The following PHACTR1 variants were observed in gnomAD, a reference collection of about 807,000 sequenced individuals.
The protein encoded by PHACTR1 is phosphatase and actin regulator 1.
A neutral mutation model predicts 69.2 loss-of-function variants in PHACTR1; 16 were observed. The observed-to-expected ratio is 0.23, with a 90% CI of 0.16 to 0.35. The LOEUF is 0.35. Ranked by LOEUF, PHACTR1 falls within the 10% of genes least tolerant of loss-of-function variation. The probability of loss-of-function intolerance (pLI) is 1.00; values close to 1 mark genes in which losing one functional copy is unlikely to be tolerated. For missense variants in PHACTR1, 510 were observed against 734.7 expected, an observed-to-expected ratio of 0.69 and a Z score of 3.54; for synonymous variants, 312 against 284.5, an observed-to-expected ratio of 1.10 and a Z score of -0.97.
rs4053019 is a variant in PHACTR1, at chr6:13,179,405, C to CGTGTGT, written c.497-3079_497-3074dup. On this transcript the variant is annotated intron_variant, in intron 6 of 14. Coordinates refer to ENST00000332995, the MANE Select transcript of PHACTR1 (RefSeq NM_030948.6). This position sits in a 1 kb window ranked among gnomAD's most constrained non-coding sequence, Gnocchi z 4.2. Reference sequence around the variant, plus strand: ...TATACAGCCCATTACATTAATGTTTCGTGTGTGTGTGTGTGTGTGTGTGTG... The same window carrying CGTGTGT: ...TATACAGCCCATTACATTAATGTTTCGTGTGTGTGTGTGTGTGTGTGTGTGTGTGTG... Among the ~76,000 whole-genome samples, 10,778 of 141,972 alleles carry CGTGTGT rather than the reference C, an allele frequency of 0.076. 589 individuals carry two copies. The highest frequency in any genetic ancestry group is 0.14 in the African/African-American group (5,255 of 37,600). The allele number at this position is 141,972 out of a possible 152,430, so 93.1% of individuals were successfully genotyped here. A position where few individuals can be genotyped will look rare whatever the true frequency, so the allele number is the denominator to read the frequency against.
At position 13,240,050 on chromosome 6, in the gene PHACTR1, TA is replaced by T. The variant is rs112143131; in HGVS notation, c.1391+9871del. Among the ~76,000 whole-genome samples the T allele has an allele frequency of 8.8e-3, 1,280 of 144,968 alleles. 13 individuals carry two copies. Among genetic ancestry groups the T allele is most frequent in the African/African-American group, 0.023 (929 of 39,902 alleles). On this transcript the variant is annotated intron_variant, in intron 10 of 14. Coordinates refer to ENST00000332995, the MANE Select transcript of PHACTR1 (RefSeq NM_030948.6). ...AGTGTTTAAACTTGCAAAGTTTCTTTAAAAAAAAAAAAAAGTGGCCATTCTT... is the reference window on the plus strand; with the variant it reads ...AGTGTTTAAACTTGCAAAGTTTCTTTAAAAAAAAAAAAAGTGGCCATTCTT...
At chr6:13,100,713 A>G (rs142613898) in intron 5 of PHACTR1, among the ~76,000 whole-genome samples, 1 of 152,346 alleles carries the variant, frequency 6.6e-6, no homozygotes, top group Non-Finnish European at 1.5e-5. Flanking sequence ...GAATTAATCA[A>G]TCAACAAGCA....
chr6:13,093,604 G>A (rs544004099), intron 5 of PHACTR1, among the ~76,000 whole-genome samples: 4 of 152,282 alleles, frequency 2.6e-5, no homozygotes, highest in African/African-American at 9.6e-5. Context: ...GTACAAATAA[G>A]GTATTCAGGA....
intron 4 of PHACTR1, among the ~76,000 whole-genome samples, chr6:12,885,128 A>G (rs1783506103): frequency 6.6e-6 from 1 of 152,162 alleles, no homozygotes; most frequent in Admixed American, 6.5e-5. Flanking sequence ...GCTTCTGCCT[A>G]CAGCCTAGAG....
At chr6:12,806,751 A>T (rs1774387839) in intron 4 of PHACTR1, among the ~76,000 whole-genome samples, 1 of 152,196 alleles carries the variant, frequency 6.6e-6, no homozygotes, top group Non-Finnish European at 1.5e-5. Context: ...ACAGATCTGC[A>T]TTATACATTT....
At chr6:12,806,218 T>A (rs545215626) in intron 4 of PHACTR1, among the ~76,000 whole-genome samples, 7 of 152,334 alleles carry the variant, frequency 4.6e-5, no homozygotes, top group African/African-American at 1.7e-4. Flanking sequence ...TCAACCGCAG[T>A]GTCTACCATC....
chr6:13,022,466 A>G (rs572896175), intron 4 of PHACTR1, among the ~76,000 whole-genome samples: 2 of 152,338 alleles, frequency 1.3e-5, no homozygotes, highest in South Asian at 4.1e-4. Context: ...CAAAAGAAGG[A>G]GAATAATTCA....
intron 4 of PHACTR1, among the ~76,000 whole-genome samples, chr6:12,929,102 C>T (rs575486477): frequency 6.6e-6 from 1 of 152,204 alleles, no homozygotes; most frequent in African/African-American, 2.4e-5. Flanking sequence ...ACCTCCAATC[C>T]CCCTCACCTG....
At chr6:12,906,185 TAA>T (rs59243582) in intron 4 of PHACTR1, among the ~76,000 whole-genome samples, 82,238 of 151,974 alleles carry the variant, frequency 0.54, 24,370 homozygotes, top group East Asian at 0.91. Flanking sequence ...TAGAATGACT[TAA>T]AAATATATTA....
At chr6:13,029,044 A>G (rs1335125854) in intron 4 of PHACTR1, among the ~76,000 whole-genome samples, 2 of 152,212 alleles carry the variant, frequency 1.3e-5, no homozygotes, top group Non-Finnish European at 2.9e-5. Context: ...TTATGTGCCA[A>G]TTATGAGAAT....
At chr6:12,856,255 C>CTTTTTTTTT (rs66541950) in intron 4 of PHACTR1, among the ~76,000 whole-genome samples, 5 of 135,790 alleles carry the variant, frequency 3.7e-5, no homozygotes, top group East Asian at 2.1e-4. Context: ...TTCTTTCTTT[C>CTTTTTTTTT]TTTTTTTTTT....
intron 3 of PHACTR1, among the ~76,000 whole-genome samples, chr6:12,745,640 T>C (rs1765691168): frequency 6.6e-6 from 1 of 152,228 alleles, no homozygotes; most frequent in African/African-American, 2.4e-5. Flanking sequence ...GGTAGAAGTA[T>C]GGATGCCATG....
chr6:12,933,865 G>T, intron 4 of PHACTR1: 1 of 1,612,696 alleles, frequency 6.2e-7, no homozygotes, highest in Non-Finnish European at 8.5e-7. Context: ...TGGTTTGGCT[G>T]CCTTTAGAGG....
chr6:13,141,280 C>G (rs1270781721), intron 5 of PHACTR1, among the ~76,000 whole-genome samples: 1 of 152,098 alleles, frequency 6.6e-6, no homozygotes, highest in African/African-American at 2.4e-5. Flanking sequence ...TCAGATCAAC[C>G]CAACTCAAAT....
intron 4 of PHACTR1, among the ~76,000 whole-genome samples, chr6:12,882,686 C>T (rs1783217787): frequency 1.3e-5 from 2 of 152,084 alleles, no homozygotes; most frequent in Non-Finnish European, 2.9e-5. Flanking sequence ...TAGAGACTAG[C>T]CCCCAGGTTG....
intron 5 of PHACTR1, among the ~76,000 whole-genome samples, chr6:13,075,756 G>T (rs1810359913): frequency 6.6e-6 from 1 of 152,102 alleles, no homozygotes; most frequent in Non-Finnish European, 1.5e-5. Context: ...AAGTCTTCTA[G>T]ACTCCCAGCC....
intron 7 of PHACTR1, among the ~76,000 whole-genome samples, chr6:13,187,709 C>T (rs925633570): frequency 6.6e-6 from 1 of 152,148 alleles, no homozygotes; most frequent in African/African-American, 2.4e-5. Context: ...CCATGCACTC[C>T]AAAGTCAGAT....
chr6:12,804,622 G>A (rs1489238368), intron 4 of PHACTR1, among the ~76,000 whole-genome samples: 2 of 152,214 alleles, frequency 1.3e-5, no homozygotes, highest in African/African-American at 4.8e-5. Flanking sequence ...AGGAGTTCGA[G>A]ATGAGCTTGG....
intron 4 of PHACTR1, among the ~76,000 whole-genome samples, chr6:12,917,283 A>G (rs540534239): frequency 6.6e-6 from 1 of 152,366 alleles, no homozygotes; most frequent in South Asian, 2.1e-4. Flanking sequence ...GACTTGTAGC[A>G]TAGCCTGGAT....
Sources: allele counts gnomAD v4.1 joint callset (sites outside exome capture counted in the v4.1 genomes callset), GRCh38; gene constraint gnomAD v4.1.1; non-coding constraint Gnocchi (gnomAD v3.1); transcripts MANE v1.5; gene names NCBI Gene and HGNC (gene_info 2026-07-23, HGNC 2026-07-21).